STARD13: variants seen among roughly 807,000 people sequenced by gnomAD.
The protein encoded by STARD13 is stAR-related lipid transfer protein 13.
STARD13 carries 62 observed loss-of-function variants against 106.4 expected under a neutral mutation model. The ratio of observed to expected loss-of-function variants is 0.58; its 90% CI spans 0.48 to 0.72. STARD13 has a LOEUF of 0.72. STARD13 is among the 30% of genes least tolerant of loss of function. STARD13 has a pLI of 0.00. For missense variants in STARD13, 1,387 were observed against 1,424.0 expected (o/e 0.97, Z 0.42); for synonymous variants, 565 against 553.0 (o/e 1.02, Z -0.31).
the STARD13 span, among the ~76,000 whole-genome samples, chr13:33,621,400 G>A: frequency 9.2e-5 from 14 of 151,780 alleles, no homozygotes; most frequent in East Asian, 9.7e-4. Context: ...AAAACTGGCC[G>A]GGCACAGTCG....
At chr13:33,491,724 T>C in the STARD13 span, among the ~76,000 whole-genome samples, 1 of 152,230 alleles carries the variant, frequency 6.6e-6, no homozygotes, top group Admixed American at 6.5e-5. Context: ...AATCTGTTTC[T>C]CCATTAAACC....
chr13:33,421,372 T>C, the STARD13 span, among the ~76,000 whole-genome samples: 1 of 152,114 alleles, frequency 6.6e-6, no homozygotes, highest in Non-Finnish European at 1.5e-5. Context: ...CCTGGACACA[T>C]CCACCCTCCC....
At position 33,105,672 on chromosome 13, in the gene STARD13, T is replaced by C. The variant is rs1873591061; in HGVS notation, c.3263A>G (p.His1088Arg). ...CCTGGCAACTTCTGCTGCACACAGA[T>C]GTCCAAAGCCTTTGCTGTACCATTC... ...SPEWYSKGFG[H>R]LCAAEVARIR... The change falls in exon 14 of 14, where the codon CAT becomes CGT. Residue 1088 changes from histidine to arginine, a missense_variant. His to Arg is a conservative substitution (Grantham distance 29). Coordinates refer to ENST00000336934, the MANE Select transcript of STARD13 (RefSeq NM_178006.4). 6.2e-7 allele frequency: 1 copy of C among 1,614,254 alleles called. No homozygotes were observed. The highest frequency in any genetic ancestry group is 1.3e-5 in the African/African-American group (1 of 75,070).
chr13:33,472,388 G>A, the STARD13 span, among the ~76,000 whole-genome samples: 1 of 151,862 alleles, frequency 6.6e-6, no homozygotes, highest in East Asian at 1.9e-4. Flanking sequence ...ATATACTGGG[G>A]TTTCTCAGTG....
chr13:33,240,589 T>C (rs1038001859), intron 1 of STARD13, among the ~76,000 whole-genome samples: 4 of 152,162 alleles, frequency 2.6e-5, no homozygotes, highest in Non-Finnish European at 5.9e-5. Context: ...TGTACAAGTC[T>C]TTTGCCTTTT....
chr13:33,440,798 T>C, the STARD13 span, among the ~76,000 whole-genome samples: 4 of 120,392 alleles, frequency 3.3e-5, no homozygotes, highest in South Asian at 1.2e-3. Flanking sequence ...TTTTTTAAGA[T>C]AGAGTCTCAC....
chr13:33,301,563 T>C (rs1008294375), intron 1 of STARD13, among the ~76,000 whole-genome samples: 13 of 15,500 alleles, frequency 8.4e-4, no homozygotes, highest in African/African-American at 1.5e-3. Flanking sequence ...TTTTTCTTTT[T>C]TTTTCTTTTT....
intron 1 of STARD13, among the ~76,000 whole-genome samples, chr13:33,207,352 C>G (rs117538703): frequency 2.6e-5 from 4 of 152,288 alleles, no homozygotes; most frequent in Non-Finnish European, 5.9e-5. Context: ...AGTCAGTGAG[C>G]TCCTTAAAGG....
At chr13:33,369,701 T>G in the STARD13 span, among the ~76,000 whole-genome samples, 5 of 152,206 alleles carry the variant, frequency 3.3e-5, no homozygotes, top group Admixed American at 2.6e-4. Flanking sequence ...CACATATAAG[T>G]GCATTACATA....
the STARD13 span, among the ~76,000 whole-genome samples, chr13:33,512,841 A>T: frequency 1.3e-5 from 2 of 152,116 alleles, no homozygotes; most frequent in Non-Finnish European, 1.5e-5. Context: ...ACTAGAAGAT[A>T]CCAGAGAGTC....
Position 33,111,788 on chromosome 13 carries a change from C to G in STARD13, c.2597G>C (p.Arg866Thr), listed in dbSNP as rs1874610504. The change falls in exon 10 of 14, where the codon AGA becomes ACA. Residue 866 changes from arginine to threonine, a missense_variant. Arg to Thr is a moderately conservative substitution (Grantham distance 71, BLOSUM62 -1). Coordinates refer to ENST00000336934, the MANE Select transcript of STARD13 (RefSeq NM_178006.4). The stretch of plus-strand genomic sequence containing the variant: ...GAGCCTTTTGCTCACCTCAAAAAGT[C>G]TGTCGCATTCCATGATCATGTGCGC... ...GLAHMIMECD[R>T]LFEVPHELVA... 2.9e-5 allele frequency: 46 copies of G among 1,613,668 alleles called. No homozygotes were observed. Among genetic ancestry groups the G allele is most frequent in the Non-Finnish European group, 3.9e-5 (46 of 1,179,560 alleles).
chr13:33,275,494 A>T (rs1891380334), intron 1 of STARD13, among the ~76,000 whole-genome samples: 1 of 152,132 alleles, frequency 6.6e-6, no homozygotes, highest in African/African-American at 2.4e-5. Flanking sequence ...ATGCCATTTT[A>T]CCCACAGAGG....
the STARD13 span, among the ~76,000 whole-genome samples, chr13:33,512,948 T>G: frequency 6.6e-6 from 1 of 152,142 alleles, no homozygotes; most frequent in Admixed American, 6.6e-5. Flanking sequence ...ACAGTAAATT[T>G]CTACTGGTTA....
rs1877393289 is a variant in STARD13 at position 33,127,559 on chromosome 13, GA to G, written c.1749-14del. 1 of 1,522,480 alleles carries G rather than the reference GA, an allele frequency of 6.6e-7. No homozygotes were observed. The highest frequency in any genetic ancestry group is 1.2e-5 in the South Asian group (1 of 81,464). 94.3% of individuals were successfully genotyped at this position (1,522,480 alleles called of 1,614,324 possible). ...CCATCGGAGTCGCCTTTACCAGAGA[GA>G]CCATCAGAGAAGCCAGTCACAAAGT... On this transcript the variant is annotated splice_polypyrimidine_tract_variant and intron_variant, in intron 5 of 13. Transcript: ENST00000336934.
At chr13:33,546,085 T>A in the STARD13 span, among the ~76,000 whole-genome samples, 1 of 152,244 alleles carries the variant, frequency 6.6e-6, no homozygotes, top group Non-Finnish European at 1.5e-5. Context: ...AACACTCTTA[T>A]GAAATGATAC....
intron 1 of STARD13, among the ~76,000 whole-genome samples, chr13:33,221,683 C>T (rs2138178853): frequency 6.6e-6 from 1 of 152,264 alleles, no homozygotes; most frequent in South Asian, 2.1e-4. Context: ...AAACACAGGC[C>T]TCTTGCCAAA....
downstream of STARD13, among the ~76,000 whole-genome samples, chr13:33,346,808 T>TC (rs2078022423): frequency 6.8e-6 from 1 of 146,648 alleles, no homozygotes; most frequent in Non-Finnish European, 1.5e-5. Flanking sequence ...TTTTTTGTAT[T>TC]TTTTTTTTTT....
chr13:33,323,871 G>T (rs556451020), intron 1 of STARD13, among the ~76,000 whole-genome samples: 61 of 152,264 alleles, frequency 4.0e-4, no homozygotes, highest in African/African-American at 1.4e-3. Flanking sequence ...TGGTTTCACA[G>T]TCTCTACTGA....
chr13:33,611,198 G>A, the STARD13 span: 3 of 152,292 alleles, frequency 2.0e-5, no homozygotes, highest in Admixed American at 6.5e-5. Flanking sequence ...TAGTTTGGCA[G>A]GGCCAGCTGC....
Sources: gnomAD v4.1 joint callset for allele counts (sites outside exome capture counted in the v4.1 genomes callset) on GRCh38, gnomAD v4.1.1 for gene constraint, MANE v1.5 for transcripts, NCBI Gene and HGNC (gene_info 2026-07-23, HGNC 2026-07-21) for gene names.